DAPK2: variants seen among roughly 807,000 people sequenced by gnomAD.
DAPK2 encodes the protein death associated protein kinase 2.
A neutral mutation model predicts 44.1 loss-of-function variants in DAPK2; 35 were observed. The observed-to-expected ratio is 0.79, with a 90% CI of 0.61 to 1.05. The LOEUF is 1.05. Ranked by LOEUF, DAPK2 falls within the 50% of genes least tolerant of loss-of-function variation. DAPK2 has a pLI of 0.00. For synonymous variants in DAPK2, 174 were observed against 182.6 expected, an observed-to-expected ratio of 0.95 and a Z score of 0.38; for missense variants, 453 against 483.2, an observed-to-expected ratio of 0.94 and a Z score of 0.59.
rs1356744059 is a variant in DAPK2 at position 64,036,029 on chromosome 15, T to C, written c.92+4141A>G. Among the ~76,000 whole-genome samples the C allele has an allele frequency of 2.0e-5, 3 of 151,950 alleles. No homozygotes were observed. The East Asian group carries it at 5.8e-4, about 30-fold the overall frequency. On this transcript the variant is annotated intron_variant, in intron 1 of 10. Transcript: ENST00000261891. ...AGTAGAGTTAAAGGTTATTTATTTT[T>C]TGGGGGGAGGATCACAAGGTCAAGA...
intron 1 of DAPK2, among the ~76,000 whole-genome samples, chr15:63,987,285 G>C (rs1419249853): frequency 6.6e-6 from 1 of 152,144 alleles, no homozygotes; most frequent in African/African-American, 2.4e-5. Context: ...AGGCTCTGCA[G>C]CCAGAAGTTG....
chr15:63,910,372 C>T (rs1188892366), intron 10 of DAPK2, among the ~76,000 whole-genome samples: 1 of 152,224 alleles, frequency 6.6e-6, no homozygotes, highest in Non-Finnish European at 1.5e-5. Flanking sequence ...TAGGCACCCA[C>T]CTCCCAGTCG....
At chr15:64,006,786 T>C (rs151330057) in intron 1 of DAPK2, among the ~76,000 whole-genome samples, 1 of 152,156 alleles carries the variant, frequency 6.6e-6, no homozygotes, top group Non-Finnish European at 1.5e-5. Context: ...CTGCCTCATG[T>C]GTCAGACAAC....
At chr15:63,924,648 C>T (rs1046961190) in intron 8 of DAPK2, 168 bp downstream of exon 9, 10 of 638,090 alleles carry the variant, frequency 1.6e-5, no homozygotes, top group South Asian at 8.3e-5. Context: ...TAAACCTATT[C>T]GAATAAGCCC....
chr15:63,989,531 G>C (rs2078759967), intron 1 of DAPK2, among the ~76,000 whole-genome samples: 1 of 152,218 alleles, frequency 6.6e-6, no homozygotes, highest in Admixed American at 6.5e-5. Context: ...GTACCAAGTA[G>C]TGAGGAGAGG....
chr15:63,924,903 G>A, intron 7 of DAPK2, 42 bp from the exon 9 acceptor site: 1 of 1,608,356 alleles, frequency 6.2e-7, no homozygotes, highest in Non-Finnish European at 8.5e-7. Context: ...CATGAGGACA[G>A]AAGTTGGGAG....
At chr15:63,979,758 C>A (rs534680811) in intron 2 of DAPK2, among the ~76,000 whole-genome samples, 2 of 151,616 alleles carry the variant, frequency 1.3e-5, no homozygotes, top group African/African-American at 4.8e-5. Context: ...ACTAAAAATA[C>A]AAAAAAAATT....
intron 2 of DAPK2, among the ~76,000 whole-genome samples, chr15:63,979,072 C>T (rs2078432611): frequency 6.6e-6 from 1 of 152,210 alleles, no homozygotes; most frequent in Non-Finnish European, 1.5e-5. Flanking sequence ...ATGCAACCAC[C>T]ACGGTATCGC....
At chr15:63,911,091 T>G (rs2078775359) in intron 10 of DAPK2, 1 of 153,086 alleles carries the variant, frequency 6.5e-6, no homozygotes, top group Non-Finnish European at 1.5e-5. Flanking sequence ...TGGTGGCGCA[T>G]GACTGTAATC....
At chr15:63,951,472 C>G (rs1479244408) in intron 3 of DAPK2, among the ~76,000 whole-genome samples, 1 of 152,196 alleles carries the variant, frequency 6.6e-6, no homozygotes, top group Non-Finnish European at 1.5e-5. Context: ...TCACCTCCAC[C>G]TACCCACATC....
intron 1 of DAPK2, among the ~76,000 whole-genome samples, chr15:64,019,541 A>G (rs974566594): frequency 4.6e-5 from 7 of 152,234 alleles, no homozygotes; most frequent in Admixed American, 1.3e-4. Flanking sequence ...TCCTTTTCAG[A>G]TTATAAAAGT....
At position 64,038,705 on chromosome 15, in the gene DAPK2, A is replaced by T. The variant is rs373556096; in HGVS notation, c.92+1465T>A. Among the ~76,000 whole-genome samples the T allele has an allele frequency of 2.7e-4, 41 of 152,186 alleles. 1 individual carries two copies. The South Asian group carries it at 7.7e-3, about 28-fold the overall frequency. ...AAAGTTTAAAAAAAAAAAAAGTAAG[A>T]CAATTAGTCCTGACATAAGAGTTCT... is the stretch of plus-strand genomic sequence containing the variant. On this transcript the variant is annotated intron_variant, in intron 1 of 10. Coordinates refer to ENST00000261891, the Ensembl canonical transcript of DAPK2.
chr15:63,922,770 A>C (rs1224673825), intron 8 of DAPK2: 1 of 1,533,334 alleles, frequency 6.5e-7, no homozygotes, highest in Non-Finnish European at 8.7e-7. Context: ...TCCTCAGTGC[A>C]TGATCTGCTG....
chr15:63,975,109 A>G (rs982795002), intron 2 of DAPK2, among the ~76,000 whole-genome samples: 2 of 152,108 alleles, frequency 1.3e-5, no homozygotes, highest in African/African-American at 4.8e-5. Context: ...TTGGTTTACA[A>G]TCCTCTGACA....
intron 1 of DAPK2, among the ~76,000 whole-genome samples, chr15:63,994,504 C>CTTT (rs139129405): frequency 1.3e-5 from 2 of 151,320 alleles, no homozygotes; most frequent in Non-Finnish European, 1.5e-5. Flanking sequence ...GTTCCTTAGT[C>CTTT]CCACCTTTCT....
upstream of DAPK2, among the ~76,000 whole-genome samples, chr15:64,044,510 C>G (rs183129829): frequency 5.9e-5 from 9 of 152,232 alleles, no homozygotes; most frequent in East Asian, 1.7e-3. Flanking sequence ...CTTGTTTTTA[C>G]AAGAGGAAGC....
At chr15:64,032,667 A>C (rs937539653) in intron 1 of DAPK2, among the ~76,000 whole-genome samples, 3 of 152,216 alleles carry the variant, frequency 2.0e-5, no homozygotes, top group Non-Finnish European at 4.4e-5. Flanking sequence ...AGAAATAAAA[A>C]TAGCCAGGCG....
rs2079546270 is a variant in DAPK2 at position 63,931,271 on chromosome 15, G to A, written c.584-816C>T. On this transcript the variant is annotated intron_variant, in intron 4 of 10. Coordinates refer to ENST00000261891, the Ensembl canonical transcript of DAPK2. ...TTGTTTATAAATGACCCACTTTAAG[G>A]TATTTCATTAAAGCAGCCCAAAAGG... is the stretch of plus-strand genomic sequence containing the variant. Among the ~76,000 whole-genome samples the A allele has an allele frequency of 2.0e-5, 3 of 152,078 alleles. No homozygotes were observed. The South Asian group carries it at 6.2e-4, about 31-fold the overall frequency.
Position 64,046,228 on chromosome 15 carries a change from C to T in DAPK2, c.-7+70G>A, listed in dbSNP as rs1195280704. On this transcript the variant is annotated intron_variant, in intron 1 of 11. Transcript: ENST00000457488. The surrounding 1 kb of genome is among the most constrained non-coding windows in gnomAD (Gnocchi z 5.3). Reference sequence around the variant, plus strand: ...ATCTCTTCGCCCCGCCAGCCCCAGACCCGGGCGCTGCTGCCGTCAGGCCGC... The same window carrying T: ...ATCTCTTCGCCCCGCCAGCCCCAGATCCGGGCGCTGCTGCCGTCAGGCCGC... 4.5e-6 allele frequency: 3 copies of T among 665,226 alleles called. No individual in the cohort carries two copies. Among genetic ancestry groups the T allele is most frequent in the Non-Finnish European group, 5.6e-6 (3 of 537,070 alleles). 41.2% of individuals were successfully genotyped at this position (665,226 alleles called of 1,614,324 possible). A position where few individuals can be genotyped will look rare whatever the true frequency, so the allele number is the denominator to read the frequency against.
Sources: allele counts gnomAD v4.1 joint callset (sites outside exome capture counted in the v4.1 genomes callset), GRCh38; gene constraint gnomAD v4.1.1; non-coding constraint Gnocchi (gnomAD v3.1); transcripts MANE v1.5; gene names NCBI Gene and HGNC (gene_info 2026-07-23, HGNC 2026-07-21).